TBC1D16: variants seen among roughly 807,000 people sequenced by gnomAD.
TBC1D16 encodes the protein TBC1 domain family member 16, also known as CTD-2529O21.1.
A neutral mutation model predicts 74.7 loss-of-function variants in TBC1D16; 58 were observed. That is an observed-to-expected ratio of 0.78 (90% confidence interval 0.63 to 0.97). TBC1D16 has a LOEUF of 0.97. Ranked by LOEUF, TBC1D16 falls within the 50% of genes least tolerant of loss-of-function variation. The pLI, the probability that TBC1D16 is intolerant of heterozygous loss-of-function variation, is 0.00. For missense variants in TBC1D16, 1,014 were observed against 1,079.5 expected (o/e 0.94, Z 0.85); for synonymous variants, 493 against 474.7 (o/e 1.04, Z -0.50).
At chr17:79,989,579 T>C (rs1483291373) in intron 3 of TBC1D16, among the ~76,000 whole-genome samples, 1 of 152,246 alleles carries the variant, frequency 6.6e-6, no homozygotes, top group African/African-American at 2.4e-5. Context: ...ACTGGCCTTG[T>C]GGAGTTCGGA....
Position 79,949,834 on chromosome 17 carries a change from A to G in TBC1D16, c.1289T>C (p.Ile430Thr). 6.2e-7 allele frequency: 1 copy of G among 1,613,740 alleles called. No individual in the cohort carries two copies. Residue 430 changes from isoleucine (I) to threonine (T), a missense_variant, in exon 7 of 12, where the codon ATC (isoleucine) becomes ACC (threonine). Coordinates refer to ENST00000310924, the MANE Select transcript of TBC1D16 (RefSeq NM_019020.4). ...CAGGAAGGGCCAGACCTCCCCGCGG[A>G]TTGACACATCAATACCGCCAAAGAA... ...AIFFGGIDVS[I>T]RGEVWPFLLR...
intron 3 of TBC1D16, among the ~76,000 whole-genome samples, chr17:79,953,928 G>C (rs573207004): frequency 6.6e-6 from 1 of 152,000 alleles, no homozygotes; most frequent in Admixed American, 6.5e-5. Context: ...CCACCACCAT[G>C]ACCAGCTAAT....
intron 1 of TBC1D16, among the ~76,000 whole-genome samples, chr17:80,021,653 C>T (rs549437590): frequency 4.7e-5 from 7 of 148,968 alleles, no homozygotes; most frequent in South Asian, 2.1e-4. Context: ...ACATACATCA[C>T]GCACCACATA....
chr17:80,024,015 G>GT (rs1425785135), intron 1 of TBC1D16: 1 of 150,340 alleles, frequency 6.7e-6, no homozygotes, highest in African/African-American at 2.5e-5. Context: ...AGCGCAGAAG[G>GT]TAAGGACGCA....
Position 79,985,611 on chromosome 17 carries a change from T to C in TBC1D16, c.779+24549A>G, listed in dbSNP as rs2034804751. On this transcript the variant is annotated intron_variant, in intron 3 of 11. Transcript: ENST00000310924. The surrounding 1 kb of genome is among the most constrained non-coding windows in gnomAD (Gnocchi z 4.9). ...CCCAGGCCCTGAGACTGGTGCTGGGTCCAAGGGTCCCCATCCGGTGGCAGC... is the reference window on the plus strand; with the variant it reads ...CCCAGGCCCTGAGACTGGTGCTGGGCCCAAGGGTCCCCATCCGGTGGCAGC... 6.6e-6 allele frequency among the ~76,000 whole-genome samples: 1 copy of C among 152,184 alleles called. No homozygotes were observed. Among genetic ancestry groups the C allele is most frequent in the Non-Finnish European group, 1.5e-5 (1 of 68,032 alleles).
Position 79,944,480 on chromosome 17 carries a change from G to A in TBC1D16, c.1908+428C>T, listed in dbSNP as rs530365125. On this transcript the variant is annotated intron_variant, in intron 10 of 11. Coordinates refer to ENST00000310924, the MANE Select transcript of TBC1D16 (RefSeq NM_019020.4). The surrounding 1 kb of genome is among the most constrained non-coding windows in gnomAD (Gnocchi z 7.7). Reference sequence around the variant, plus strand: ...CTCTGGAGGGGCCGACAGGGAAGTGGGATCTCAGGCCCTTTCTCTGCACAG... The same window carrying A: ...CTCTGGAGGGGCCGACAGGGAAGTGAGATCTCAGGCCCTTTCTCTGCACAG... 6.6e-6 allele frequency among the ~76,000 whole-genome samples: 1 copy of A among 152,164 alleles called. No individual in the cohort carries two copies. The highest frequency in any genetic ancestry group is 2.4e-5 in the African/African-American group (1 of 41,432).
In TBC1D16 at chr17:80,022,256, G is replaced by C. The variant is rs182499497; in HGVS notation, c.-62-8647C>G. Among the ~76,000 whole-genome samples the C allele has an allele frequency of 1.3e-5, 2 of 150,022 alleles. 1 individual carries two copies. The highest frequency in any genetic ancestry group is 1.3e-4 in the Admixed American group (2 of 15,230). On this transcript the variant is annotated intron_variant, in intron 1 of 11. Transcript: ENST00000310924. ...TATGTTGTTTTTATTGCTAGGCCCT[G>C]TTTTTATTGCTTACTCAGTTATCTG... is the stretch of plus-strand genomic sequence containing the variant.
intron 1 of TBC1D16, among the ~76,000 whole-genome samples, chr17:80,025,076 CACATACCAT>C (rs2036512170): frequency 1.4e-4 from 2 of 14,222 alleles, no homozygotes; most frequent in Non-Finnish European, 2.9e-4. Context: ...GACACACACA[CACATACCAT>C]GACACACACA....
intron 1 of TBC1D16, among the ~76,000 whole-genome samples, chr17:80,028,617 T>G (rs2036668990): frequency 6.9e-6 from 1 of 144,328 alleles, no homozygotes; most frequent in Admixed American, 6.7e-5. Context: ...CGGGGCATGA[T>G]GACCAGTTGA....
Position 79,947,625 on chromosome 17 carries a change from C to A in TBC1D16, c.1728+20G>T, listed in dbSNP as rs759587386. ...GGGCCCTCACATGCCCTTGGACGCA[C>A]CCATCCCCCTGAGCCTCACCAGTTG... is the stretch of plus-strand genomic sequence containing the variant. On this transcript the variant is annotated intron_variant, in intron 9 of 11. Transcript: ENST00000310924. 2 of 1,613,086 alleles carry A rather than the reference C, an allele frequency of 1.2e-6. No homozygotes were observed. The highest frequency in any genetic ancestry group is 1.7e-6 in the Non-Finnish European group (2 of 1,179,352).
intron 3 of TBC1D16, among the ~76,000 whole-genome samples, chr17:79,976,681 A>G (rs2034344916): frequency 6.6e-6 from 1 of 152,166 alleles, no homozygotes; most frequent in Non-Finnish European, 1.5e-5. Context: ...GCCCTGATAC[A>G]CTGGGCCCTG....
At chr17:79,963,268 A>G (rs1172841997) in intron 3 of TBC1D16, among the ~76,000 whole-genome samples, 5 of 151,226 alleles carry the variant, frequency 3.3e-5, no homozygotes. Context: ...CCCCCCTCAC[A>G]CTCCAAGCAA....
chr17:79,950,523 G>T lies in TBC1D16; in HGVS notation c.1145C>A (p.Pro382Gln), dbSNP rs537977666. Residue 382 changes from proline to glutamine, a missense_variant, in exon 6 of 12, where the codon CCG becomes CAG. By Grantham distance (76) the Pro-to-Gln change is moderately conservative. Coordinates refer to ENST00000310924, the MANE Select transcript of TBC1D16 (RefSeq NM_019020.4). The surrounding 1 kb of genome is among the most constrained non-coding windows in gnomAD (Gnocchi z 4.6). ...MQFSIRRPKL[P>Q]SSETHPEESM... is the part of the protein sequence containing the mutation. ...CTCCTCGGGGTGCGTCTCGGAGGAC[G>T]GCAGCTTGGGGCGGCGGATGGAGAA... 1 of 1,613,244 alleles carries T rather than the reference G, an allele frequency of 6.2e-7. No individual in the cohort carries two copies. Among genetic ancestry groups the T allele is most frequent in the Non-Finnish European group, 8.5e-7 (1 of 1,179,930 alleles).
At position 79,940,784 on chromosome 17, in the gene TBC1D16, C is replaced by T; in HGVS notation, c.*75G>A. 2 of 1,430,720 alleles carry T rather than the reference C, an allele frequency of 1.4e-6. No homozygotes were observed. The highest frequency in any genetic ancestry group is 1.6e-5 in the South Asian group (1 of 63,148). The allele number at this position is 1,430,720 out of a possible 1,614,324, so 88.6% of individuals were successfully genotyped here. On this transcript the variant is annotated 3_prime_UTR_variant, in exon 12 of 12. Coordinates refer to ENST00000310924, the MANE Select transcript of TBC1D16 (RefSeq NM_019020.4). The surrounding 1 kb of genome is among the most constrained non-coding windows in gnomAD (Gnocchi z 5.4). ...CTACCGTCCCCTGTCCCCTTCACGC[C>T]CAGCCCCACCCCCTCCCGTGCCCAG...
rs912802343 is a variant in TBC1D16, at chr17:80,010,088, A to C, written c.779+72T>G. On this transcript the variant is annotated intron_variant, in intron 3 of 11. Transcript: ENST00000310924. This position sits in a 1 kb window ranked among gnomAD's most constrained non-coding sequence, Gnocchi z 8.8. Reference sequence around the variant, plus strand: ...GCTCACCTGGCATCACAGGTGACGCAGGTGAGTGCTTCCTGCCCAGGTCAG... The same window carrying C: ...GCTCACCTGGCATCACAGGTGACGCCGGTGAGTGCTTCCTGCCCAGGTCAG... 2.4e-6 allele frequency: 3 copies of C among 1,271,956 alleles called. No homozygotes were observed. The highest frequency in any genetic ancestry group is 1.5e-5 in the African/African-American group (1 of 66,636). The allele number at this position is 1,271,956 out of a possible 1,614,324, so 78.8% of individuals were successfully genotyped here. A position where few individuals can be genotyped will look rare whatever the true frequency, so the allele number is the denominator to read the frequency against.
Position 79,981,977 on chromosome 17 carries a change from T to A in TBC1D16, c.779+28183A>T, listed in dbSNP as rs935245572. On this transcript the variant is annotated intron_variant, in intron 3 of 11. Transcript: ENST00000310924. The surrounding 1 kb of genome is among the most constrained non-coding windows in gnomAD (Gnocchi z 6.9). ...CAAAAGTGAGATTGTGCTGTCAACA[T>A]TGTGTTACGCCTGGAATTTTTCAGT... 6.6e-6 allele frequency among the ~76,000 whole-genome samples: 1 copy of A among 152,126 alleles called. No homozygotes were observed. The highest frequency in any genetic ancestry group is 2.4e-5 in the African/African-American group (1 of 41,422).
chr17:79,976,646 C>T (rs2034343550), intron 3 of TBC1D16, among the ~76,000 whole-genome samples: 1 of 152,234 alleles, frequency 6.6e-6, no homozygotes. Context: ...GCTCCTGACT[C>T]AGCAGGGATG....
chr17:79,956,478 T>C lies in TBC1D16; in HGVS notation c.780-3660A>G, dbSNP rs376407055. Among the ~76,000 whole-genome samples the C allele has an allele frequency of 1.2e-4, 19 of 152,274 alleles. No individual in the cohort carries two copies. The East Asian group carries it at 2.5e-3, about 20-fold the overall frequency. On this transcript the variant is annotated intron_variant, in intron 3 of 11. Transcript: ENST00000310924. The surrounding 1 kb of genome is among the most constrained non-coding windows in gnomAD (Gnocchi z 4.0). ...CATGTTGCCCAGGCTGGTCTCAAACTCCTGAGCTCAAGCGATCTGTCTGCC... is the reference window on the plus strand; with the variant it reads ...CATGTTGCCCAGGCTGGTCTCAAACCCCTGAGCTCAAGCGATCTGTCTGCC...
rs202178515 is a variant in TBC1D16, at chr17:79,947,840, C to T, written c.1542-9G>A. The T allele has an allele frequency of 3.7e-5, 60 of 1,611,012 alleles. No homozygotes were observed. The Admixed American group carries it at 7.7e-4, about 21-fold the overall frequency. On this transcript the variant is annotated splice_polypyrimidine_tract_variant and intron_variant, in intron 8 of 11. Transcript: ENST00000310924. Reference sequence around the variant, plus strand: ...AGTTCAGCAGGATCCTCCTGGGAGGCGGTGGAGACAGCAGTGGGTGGGGAT... The same window carrying T: ...AGTTCAGCAGGATCCTCCTGGGAGGTGGTGGAGACAGCAGTGGGTGGGGAT...
Sources: allele counts gnomAD v4.1 joint callset (sites outside exome capture counted in the v4.1 genomes callset), GRCh38; gene constraint gnomAD v4.1.1; non-coding constraint Gnocchi (gnomAD v3.1); transcripts MANE v1.5; gene names NCBI Gene and HGNC (gene_info 2026-07-23, HGNC 2026-07-21).